PTPN5: variants seen among roughly 807,000 people sequenced by gnomAD.
The protein encoded by PTPN5 is tyrosine-protein phosphatase non-receptor type 5.
A neutral mutation model predicts 73.9 loss-of-function variants in PTPN5; 29 were observed. That is an observed-to-expected ratio of 0.39 (90% CI 0.29 to 0.54). PTPN5 has a LOEUF of 0.54. Among genes scored for constraint, PTPN5 ranks in the 20% least tolerant of loss-of-function variants. The pLI is 0.65. For missense variants in PTPN5, 652 were observed against 751.4 expected (o/e 0.87, Z 1.55); for synonymous variants, 267 against 304.7 (o/e 0.88, Z 1.29).
At chr11:18,760,803 A>C (rs992165264) in intron 3 of PTPN5, among the ~76,000 whole-genome samples, 9 of 152,238 alleles carry the variant, frequency 5.9e-5, no homozygotes, top group African/African-American at 2.2e-4. Context: ...TGAGCAGAGA[A>C]GTCCATAGGG....
At chr11:18,754,831 T>C (rs199883574) in intron 3 of PTPN5, among the ~76,000 whole-genome samples, 6 of 152,234 alleles carry the variant, frequency 3.9e-5, no homozygotes, top group East Asian at 3.8e-4. Flanking sequence ...GTTTTGTACG[T>C]AGGCATATCC....
chr11:18,770,772 T>C (rs569493803), intron 2 of PTPN5, among the ~76,000 whole-genome samples: 9 of 152,342 alleles, frequency 5.9e-5, no homozygotes, highest in African/African-American at 1.9e-4. Context: ...GTGAAGGTAA[T>C]GCGTTGTGCA....
chr11:18,790,531 G>A (rs964256962), intron 1 of PTPN5, among the ~76,000 whole-genome samples: 2 of 152,142 alleles, frequency 1.3e-5, no homozygotes, highest in South Asian at 2.1e-4. Context: ...TCCCAAACCC[G>A]GAGTGTTTGA....
At chr11:18,791,351 T>C (rs1186469395) in intron 1 of PTPN5, among the ~76,000 whole-genome samples, 174 bp downstream of exon 1, 1 of 151,956 alleles carries the variant, frequency 6.6e-6, no homozygotes, top group East Asian at 1.9e-4. Context: ...GGGGGACCCC[T>C]CCCCCAGCAT....
rs1850914102 is a variant in PTPN5, at chr11:18,771,821, G to T, written c.20+118C>A. On this transcript the variant is annotated intron_variant, in intron 2 of 14. Transcript: ENST00000358540. ...AGGGCATGCTGGTTTCATGGAAAAG[G>T]AATGATCAGGCTGAACACCTCATGA... 4 of 832,768 alleles carry T rather than the reference G, an allele frequency of 4.8e-6. No homozygotes were observed. In the South Asian group the frequency reaches 6.3e-5, roughly 13 times the overall value. 51.6% of individuals were successfully genotyped at this position (832,768 alleles called of 1,614,324 possible).
chr11:18,731,249 C>T (rs1033275507), intron 12 of PTPN5, among the ~76,000 whole-genome samples: 4 of 148,398 alleles, frequency 2.7e-5, no homozygotes, highest in East Asian at 2.0e-4. Flanking sequence ...TATATACATA[C>T]ATATATGATA....
intron 3 of PTPN5, among the ~76,000 whole-genome samples, chr11:18,756,002 TAAA>T (rs532445728): frequency 8.8e-6 from 1 of 113,192 alleles, no homozygotes; most frequent in African/African-American, 3.5e-5. Flanking sequence ...AGACTCTAAA[TAAA>T]AAAAAAAAAA....
rs1848732871 is a variant in PTPN5, at chr11:18,728,689, G to A, written c.*245C>T. 2 of 465,324 alleles carry A rather than the reference G, an allele frequency of 4.3e-6. No individual in the cohort carries two copies. Among genetic ancestry groups the A allele is most frequent in the Admixed American group, 4.1e-5 (1 of 24,680 alleles). The allele number at this position is 465,324 out of a possible 1,614,324, so 28.8% of individuals were successfully genotyped here. On this transcript the variant is annotated 3_prime_UTR_variant, in exon 15 of 15. Transcript: ENST00000358540. The surrounding 1 kb of genome is among the most constrained non-coding windows in gnomAD (Gnocchi z 4.1). The stretch of plus-strand genomic sequence containing the variant: ...GGAGCCCGGGGTCTGCGTGGTGTGG[G>A]TCAGGCCCCGGGGCCCCAGGCCTGG...
intron 12 of PTPN5, among the ~76,000 whole-genome samples, chr11:18,731,933 TCTC>T (rs1230745389): frequency 3.9e-5 from 6 of 152,148 alleles, no homozygotes; most frequent in African/African-American, 1.4e-4. Flanking sequence ...GGGTCTTATT[TCTC>T]ACAAACAGAA....
chr11:18,774,897 G>C (rs1851072327), intron 1 of PTPN5, among the ~76,000 whole-genome samples: 1 of 152,214 alleles, frequency 6.6e-6, no homozygotes, highest in Non-Finnish European at 1.5e-5. Context: ...GAGAAAGGAA[G>C]CAGGAAAAAG....
chr11:18,777,763 C>T (rs965588510), intron 1 of PTPN5, among the ~76,000 whole-genome samples: 1 of 152,100 alleles, frequency 6.6e-6, no homozygotes, highest in Non-Finnish European at 1.5e-5. Flanking sequence ...TTGGGAAAAA[C>T]AGTGAGATCC....
chr11:18,772,146 T>C (rs1850932502), intron 1 of PTPN5, 75 bp from the exon 2 acceptor site: 1 of 538,648 alleles, frequency 1.9e-6, no homozygotes, highest in Non-Finnish European at 3.2e-6. Context: ...TGCTTTCAGG[T>C]AGTTAAAATC....
intron 2 of PTPN5, 60 bp from the exon 3 acceptor site, chr11:18,765,943 T>C (rs1052751954): frequency 2.4e-6 from 3 of 1,259,974 alleles, no homozygotes; most frequent in Non-Finnish European, 3.4e-6. Flanking sequence ...ACAAAAACCC[T>C]GAGCAAAGAT....
Position 18,733,747 on chromosome 11 carries a change from T to A in PTPN5, c.1001-112A>T. 1.1e-6 allele frequency: 1 copy of A among 932,514 alleles called. No homozygotes were observed. The highest frequency in any genetic ancestry group is 2.4e-5 in the East Asian group (1 of 40,948). The allele number at this position is 932,514 out of a possible 1,614,324, so 57.8% of individuals were successfully genotyped here. ...CTTCTTCTGCGACATTAGCAGTTCTTCCTTCCCTTGCCCAGCAGCAAAACA... is the reference window on the plus strand; with the variant it reads ...CTTCTTCTGCGACATTAGCAGTTCTACCTTCCCTTGCCCAGCAGCAAAACA... On this transcript the variant is annotated intron_variant, in intron 9 of 14. Coordinates refer to ENST00000358540, the MANE Select transcript of PTPN5 (RefSeq NM_006906.2). This position sits in a 1 kb window ranked among gnomAD's most constrained non-coding sequence, Gnocchi z 4.3.
chr11:18,734,279 C>G (rs1849019326), intron 9 of PTPN5, among the ~76,000 whole-genome samples: 1 of 152,196 alleles, frequency 6.6e-6, no homozygotes, highest in South Asian at 2.1e-4. Flanking sequence ...GTCTCAGCCT[C>G]ATGTCCACAT....
chr11:18,735,506 A>G (rs1404554963), intron 9 of PTPN5, among the ~76,000 whole-genome samples: 1 of 152,088 alleles, frequency 6.6e-6, no homozygotes, highest in Non-Finnish European at 1.5e-5. Flanking sequence ...AAAGGGTCTT[A>G]TAAACCAGGC....
intron 3 of PTPN5, among the ~76,000 whole-genome samples, chr11:18,752,832 G>A (rs529726138): frequency 3.2e-4 from 48 of 152,242 alleles, no homozygotes; most frequent in African/African-American, 1.1e-3. Context: ...GAGGTCCCCA[G>A]TGCCTGAGAC....
chr11:18,755,711 A>ATC (rs1850099643), intron 3 of PTPN5, among the ~76,000 whole-genome samples: 1 of 152,088 alleles, frequency 6.6e-6, no homozygotes, highest in Admixed American at 6.5e-5. Flanking sequence ...GGGAAAAAAG[A>ATC]TGATCTTTTT....
At chr11:18,781,126 C>A (rs561207264) in intron 1 of PTPN5, among the ~76,000 whole-genome samples, 1 of 152,234 alleles carries the variant, frequency 6.6e-6, no homozygotes, top group East Asian at 1.9e-4. Context: ...CTGAGATTGA[C>A]TCTGATCTTT....
Sources: allele counts gnomAD v4.1 joint callset (sites outside exome capture counted in the v4.1 genomes callset), GRCh38; gene constraint gnomAD v4.1.1; non-coding constraint Gnocchi (gnomAD v3.1); transcripts MANE v1.5; gene names NCBI Gene and HGNC (gene_info 2026-07-23, HGNC 2026-07-21).